Variants in CLIC5 observed in about 807,000 individuals in gnomAD.
The protein encoded by CLIC5 is chloride intracellular channel protein 5.
Under a neutral mutation model 24.7 loss-of-function variants are expected in CLIC5, and 20 were observed. The observed-to-expected ratio is 0.81, with a 90% confidence interval of 0.57 to 1.18. CLIC5 has a LOEUF of 1.18. Among genes scored for constraint, CLIC5 ranks in the 50% most tolerant of loss-of-function variants. The probability of loss-of-function intolerance (pLI) is 0.00; values close to 1 mark genes in which losing one functional copy is unlikely to be tolerated. For missense variants in CLIC5, 341 were observed against 326.1 expected (o/e 1.05, Z -0.35); for synonymous variants, 159 against 135.6 (o/e 1.17, Z -1.20).
chr6:46,117,762 C>A, the CLIC5 span, among the ~76,000 whole-genome samples: 1 of 152,002 alleles, frequency 6.6e-6, no homozygotes. Flanking sequence ...TAGCAAGAAT[C>A]TTTAAATTTG....
Position 45,898,750 on chromosome 6 carries a change from A to G in CLIC5, c.*4338T>C, listed in dbSNP as rs1762436872. On this transcript the variant is annotated 3_prime_UTR_variant, in exon 6 of 6. Transcript: ENST00000339561. ...TAGTTAACTCCCCAGCTTATAAAAT[A>G]GGACAACGAGGTGGCCAGGAAAGTA... 6.5e-6 allele frequency: 1 copy of G among 152,692 alleles called. No individual in the cohort carries two copies. Among genetic ancestry groups the G allele is most frequent in the South Asian group, 2.1e-4 (1 of 4,834 alleles). 9.5% of individuals were successfully genotyped at this position (152,692 alleles called of 1,614,324 possible).
At chr6:45,974,818 G>A (rs1241531481) in intron 1 of CLIC5, among the ~76,000 whole-genome samples, 2 of 152,010 alleles carry the variant, frequency 1.3e-5, no homozygotes, top group Non-Finnish European at 2.9e-5. Context: ...CCCCCTGCAG[G>A]CTCTGGGACA....
In CLIC5 at chr6:45,899,769, C is replaced by A. The variant is rs1414331187; in HGVS notation, c.*3319G>T. Reference sequence around the variant, plus strand: ...TGGGAAAACTCGCACTTGGTGTGGCCTTTTTCTGATAAGATCAAGACTTCA... The same window carrying A: ...TGGGAAAACTCGCACTTGGTGTGGCATTTTTCTGATAAGATCAAGACTTCA... On this transcript the variant is annotated 3_prime_UTR_variant, in exon 6 of 6. Transcript: ENST00000339561. 6.6e-6 allele frequency: 1 copy of A among 152,174 alleles called. No homozygotes were observed. Among genetic ancestry groups the A allele is most frequent in the Non-Finnish European group, 1.5e-5 (1 of 68,052 alleles). The allele number at this position is 152,174 out of a possible 1,614,324, so 9.4% of individuals were successfully genotyped here. A position where few individuals can be genotyped will look rare whatever the true frequency, so the allele number is the denominator to read the frequency against.
At chr6:46,063,041 A>G (rs1226159402) in intron 1 of CLIC5, among the ~76,000 whole-genome samples, 1 of 152,202 alleles carries the variant, frequency 6.6e-6, no homozygotes, top group African/African-American at 2.4e-5. Flanking sequence ...AAAGTGGAAG[A>G]TAAAGACTTT....
At chr6:46,076,952 C>T (rs1762786685) in intron 1 of CLIC5, among the ~76,000 whole-genome samples, 2 of 152,002 alleles carry the variant, frequency 1.3e-5, no homozygotes, top group Admixed American at 1.3e-4. Context: ...TCCTGAACAA[C>T]ATAGTGAAAA....
chr6:45,950,486 C>T (rs1764434388), intron 2 of CLIC5, among the ~76,000 whole-genome samples: 1 of 152,096 alleles, frequency 6.6e-6, no homozygotes, highest in South Asian at 2.1e-4. Flanking sequence ...AGGAAGATTG[C>T]TTGAGCCCAG....
chr6:45,974,554 GAGAGAGAGAGAA>G (rs1561976594), intron 1 of CLIC5, among the ~76,000 whole-genome samples: 5 of 139,268 alleles, frequency 3.6e-5, no homozygotes, highest in African/African-American at 1.1e-4. Flanking sequence ...GAGAGAGAGA[GAGAGAGAGAGAA>G]AGAGAGAGAG....
At chr6:45,982,965 G>T (rs1337995039) in intron 1 of CLIC5, among the ~76,000 whole-genome samples, 1 of 152,178 alleles carries the variant, frequency 6.6e-6, no homozygotes, top group East Asian at 1.9e-4. Flanking sequence ...CTTGGTAAAA[G>T]GTGAGAAACG....
the CLIC5 span, among the ~76,000 whole-genome samples, chr6:46,088,546 C>T: frequency 6.6e-6 from 1 of 152,126 alleles, no homozygotes; most frequent in Non-Finnish European, 1.5e-5. Flanking sequence ...AAATAATCTG[C>T]ATTTCCACTA....
chr6:46,094,511 G>A, the CLIC5 span, among the ~76,000 whole-genome samples: 1 of 152,172 alleles, frequency 6.6e-6, no homozygotes, highest in South Asian at 2.1e-4. Context: ...GCCCAAAAAA[G>A]GGGGTCTACA....
chr6:45,946,099 G>T (rs1272681049), intron 3 of CLIC5, among the ~76,000 whole-genome samples: 2 of 152,218 alleles, frequency 1.3e-5, no homozygotes, highest in African/African-American at 4.8e-5. Flanking sequence ...AGATGAGAAG[G>T]CAAGGAGGGT....
At chr6:45,941,318 G>A (rs569030846) in intron 4 of CLIC5, among the ~76,000 whole-genome samples, 1 of 152,164 alleles carries the variant, frequency 6.6e-6, no homozygotes, top group East Asian at 1.9e-4. Flanking sequence ...TGGCAGTAAA[G>A]CCCCAAGCCT....
intron 1 of CLIC5, among the ~76,000 whole-genome samples, chr6:46,073,137 C>G (rs1185610119): frequency 6.6e-6 from 1 of 152,112 alleles, no homozygotes; most frequent in Non-Finnish European, 1.5e-5. Context: ...ACAAAGCAAA[C>G]CAGTTCATAT....
At chr6:45,994,336 T>G (rs968254653) in intron 1 of CLIC5, among the ~76,000 whole-genome samples, 1 of 152,354 alleles carries the variant, frequency 6.6e-6, no homozygotes, top group Non-Finnish European at 1.5e-5. Flanking sequence ...TCATGTCTTT[T>G]GCAGGGACAT....
At chr6:45,956,360 G>T (rs1204900818) in intron 1 of CLIC5, among the ~76,000 whole-genome samples, 3 of 152,156 alleles carry the variant, frequency 2.0e-5, no homozygotes, top group African/African-American at 7.2e-5. Context: ...CCCGCAGGTG[G>T]CCTGGCAGGG....
intron 6 of CLIC5, among the ~76,000 whole-genome samples, chr6:45,890,404 A>T (rs906239930): frequency 1.3e-5 from 2 of 152,242 alleles, no homozygotes; most frequent in Non-Finnish European, 1.5e-5. Context: ...ATTAACAAAA[A>T]GATGAAAGAT....
intron 6 of CLIC5, among the ~76,000 whole-genome samples, chr6:45,884,986 A>G (rs922994730): frequency 3.6e-5 from 2 of 55,118 alleles, no homozygotes; most frequent in Non-Finnish European, 7.2e-5. Flanking sequence ...AAAAAATCAC[A>G]ACTTTTTCAT....
At chr6:46,102,001 T>A in the CLIC5 span, among the ~76,000 whole-genome samples, 1 of 151,104 alleles carries the variant, frequency 6.6e-6, no homozygotes, top group African/African-American at 2.4e-5. Flanking sequence ...GGGGGTGGTA[T>A]GAGGAGTGAG....
intron 4 of CLIC5, among the ~76,000 whole-genome samples, chr6:45,923,607 T>C (rs1002151579): frequency 3.3e-5 from 5 of 152,198 alleles, no homozygotes; most frequent in Non-Finnish European, 5.9e-5. Flanking sequence ...TGGGCCAACT[T>C]TGTGCCCCTT....
Sources: allele counts gnomAD v4.1 joint callset (sites outside exome capture counted in the v4.1 genomes callset), GRCh38; gene constraint gnomAD v4.1.1; transcripts MANE v1.5; gene names NCBI Gene and HGNC (gene_info 2026-07-23, HGNC 2026-07-21).